The following EPHA5 variants were observed in gnomAD, a reference collection of about 807,000 sequenced individuals.
EPHA5 encodes EPH receptor A5.
A neutral mutation model predicts 105.0 loss-of-function variants in EPHA5; 60 were observed. That is an observed-to-expected ratio of 0.57 (90% CI 0.46 to 0.71). The LOEUF (loss-of-function observed/expected upper bound fraction) is 0.71, where lower values mean the gene tolerates loss of function less well. EPHA5 is among the 30% of genes least tolerant of loss of function. EPHA5 has a pLI of 0.00. For synonymous variants in EPHA5, 513 were observed against 449.1 expected (o/e 1.14, Z -1.80); for missense variants, 1,218 against 1,274.7 (o/e 0.96, Z 0.68).
intron 5 of EPHA5, among the ~76,000 whole-genome samples, chr4:65,436,170 T>C (rs1350202691): frequency 1.3e-5 from 2 of 152,034 alleles, no homozygotes; most frequent in Non-Finnish European, 2.9e-5. Context: ...AGTTTGGACA[T>C]ATTCATCTTT....
intron 3 of EPHA5, chr4:65,574,408 CAAAT>C (rs1017968810): frequency 6.1e-5 from 33 of 544,330 alleles, no homozygotes; most frequent in African/African-American, 2.0e-4. Context: ...AAAAAATACT[CAAAT>C]AACTCAAATA....
At position 65,495,291 on chromosome 4, in the gene EPHA5, TA is replaced by T; in HGVS notation, c.1066+96del. 6 of 1,278,828 alleles carry T rather than the reference TA, an allele frequency of 4.7e-6. No homozygotes were observed. In the South Asian group the frequency reaches 8.8e-5, roughly 19 times the overall value. 79.2% of individuals were successfully genotyped at this position (1,278,828 alleles called of 1,614,324 possible). A position where few individuals can be genotyped will look rare whatever the true frequency, so the allele number is the denominator to read the frequency against. ...AGATGATTAAACATTATGTCTGTTT[TA>T]GGGGGAAATGTTACTAGACTATAAC... is the stretch of plus-strand genomic sequence containing the variant. On this transcript the variant is annotated intron_variant, in intron 4 of 16. Coordinates refer to ENST00000613740, the MANE Select transcript of EPHA5 (RefSeq NM_001281766.3).
intron 5 of EPHA5, among the ~76,000 whole-genome samples, chr4:65,462,360 G>A (rs1728208729): frequency 6.6e-6 from 1 of 152,064 alleles, no homozygotes; most frequent in African/African-American, 2.4e-5. Context: ...CCATGATATT[G>A]ACTATTTATT....
intron 3 of EPHA5, among the ~76,000 whole-genome samples, chr4:65,588,260 C>G (rs1173967325): frequency 6.6e-6 from 1 of 152,100 alleles, no homozygotes; most frequent in East Asian, 1.9e-4. Flanking sequence ...GTTAAAATAT[C>G]CTGACAATTC....
intron 4 of EPHA5, among the ~76,000 whole-genome samples, chr4:65,492,470 G>C (rs1362757837): frequency 6.9e-6 from 1 of 144,408 alleles, no homozygotes; most frequent in Non-Finnish European, 1.5e-5. Flanking sequence ...CCACAGTGCT[G>C]AGATTACAGA....
chr4:65,362,041 G>A (rs1235682955), intron 11 of EPHA5, among the ~76,000 whole-genome samples: 2 of 151,594 alleles, frequency 1.3e-5, no homozygotes, highest in Non-Finnish European at 3.0e-5. Context: ...TTTCAAATGA[G>A]TCAATTAAGC....
At chr4:65,471,535 A>G (rs1001855297) in intron 5 of EPHA5, among the ~76,000 whole-genome samples, 1 of 152,150 alleles carries the variant, frequency 6.6e-6, no homozygotes, top group Non-Finnish European at 1.5e-5. Context: ...ACTACCTGAG[A>G]CTGGGTGATT....
intron 1 of EPHA5, among the ~76,000 whole-genome samples, chr4:65,660,721 T>C (rs1160369086): frequency 1.3e-5 from 2 of 152,032 alleles, no homozygotes; most frequent in African/African-American, 2.4e-5. Context: ...GGTCTCTACA[T>C]CTCCCCATTC....
intron 3 of EPHA5, among the ~76,000 whole-genome samples, chr4:65,570,332 G>C (rs574685847): frequency 2.6e-5 from 4 of 151,830 alleles, no homozygotes; most frequent in African/African-American, 7.2e-5. Flanking sequence ...TGAATTCAAG[G>C]CACTATTCCA....
At chr4:65,381,799 T>C (rs1429157068) in intron 8 of EPHA5, among the ~76,000 whole-genome samples, 3 of 151,722 alleles carry the variant, frequency 2.0e-5, no homozygotes, top group South Asian at 2.1e-4. Flanking sequence ...CAGTTTTCTA[T>C]CAAACAGGTT....
At chr4:65,611,368 G>T (rs998588509) in intron 2 of EPHA5, among the ~76,000 whole-genome samples, 1 of 151,946 alleles carries the variant, frequency 6.6e-6, no homozygotes, top group Non-Finnish European at 1.5e-5. Flanking sequence ...ATTCTGTGGG[G>T]AAGCCTTATT....
At chr4:65,495,833 T>A (rs1404722224) in intron 3 of EPHA5, among the ~76,000 whole-genome samples, 2 of 152,208 alleles carry the variant, frequency 1.3e-5, no homozygotes, top group Non-Finnish European at 2.9e-5. Flanking sequence ...AATATTTTTA[T>A]GTATTTAAAA....
At chr4:65,646,480 T>C (rs1748123835) in intron 1 of EPHA5, among the ~76,000 whole-genome samples, 1 of 152,186 alleles carries the variant, frequency 6.6e-6, no homozygotes, top group South Asian at 2.1e-4. Context: ...CATTAGTGGA[T>C]GAATACTTGC....
intron 3 of EPHA5, among the ~76,000 whole-genome samples, chr4:65,497,624 G>A (rs1390920958): frequency 1.3e-5 from 2 of 151,920 alleles, no homozygotes; most frequent in Non-Finnish European, 2.9e-5. Flanking sequence ...TCAAAGACAT[G>A]AAGTGTCAAT....
At chr4:65,479,269 G>A (rs771134784) in intron 5 of EPHA5, among the ~76,000 whole-genome samples, 10 of 152,078 alleles carry the variant, frequency 6.6e-5, no homozygotes, top group Non-Finnish European at 1.2e-4. Flanking sequence ...AAAAACCTGA[G>A]GCCCTGTGAT....
Position 65,365,075 on chromosome 4 carries a change from A to G in EPHA5, c.2115T>C (p.Ser705=), listed in dbSNP as rs745737691. The part of the protein sequence containing the change: ...KQRRDFLGEA[S]IMGQFDHPNI... ...TAGGATGATCAAACTGTCCCATGAT[A>G]CTTGCTTCACCTAGGAAATCTCTGC... Residue 705 remains serine (S), a synonymous_variant, in exon 11 of 17, where the codon AGT becomes AGC. Transcript: ENST00000613740. The G allele has an allele frequency of 1.9e-6, 3 of 1,611,854 alleles. No homozygotes were observed. Among genetic ancestry groups the G allele is most frequent in the Admixed American group, 3.3e-5 (2 of 59,854 alleles).
intron 5 of EPHA5, among the ~76,000 whole-genome samples, chr4:65,421,613 A>G (rs1578079254): frequency 6.6e-6 from 1 of 152,146 alleles, no homozygotes; most frequent in South Asian, 2.1e-4. Flanking sequence ...TCACTTTACT[A>G]TAGTAAAATC....
chr4:65,362,552 TGA>T (rs1473874769), intron 11 of EPHA5, among the ~76,000 whole-genome samples: 3 of 151,738 alleles, frequency 2.0e-5, no homozygotes, highest in Non-Finnish European at 4.4e-5. Flanking sequence ...AGCCTCATGC[TGA>T]ACAGCATCAT....
intron 7 of EPHA5, among the ~76,000 whole-genome samples, chr4:65,406,628 C>A (rs1722383783): frequency 6.6e-6 from 1 of 152,070 alleles, no homozygotes; most frequent in Non-Finnish European, 1.5e-5. Flanking sequence ...CTCCCTCTTT[C>A]TGATACTTCT....
Sources: gnomAD v4.1 joint callset for allele counts (sites outside exome capture counted in the v4.1 genomes callset) on GRCh38, gnomAD v4.1.1 for gene constraint, MANE v1.5 for transcripts, NCBI Gene and HGNC (gene_info 2026-07-23, HGNC 2026-07-21) for gene names.